The following LSAMP variants were observed in gnomAD, a reference collection of about 807,000 sequenced individuals.
LSAMP encodes limbic system-associated membrane protein.
LSAMP carries 7 observed loss-of-function variants against 38.6 expected under a neutral mutation model. The observed-to-expected ratio is 0.18, with a 90% CI of 0.10 to 0.34. The LOEUF is 0.34. Ranked by LOEUF, LSAMP falls within the 10% of genes least tolerant of loss-of-function variation. LSAMP has a pLI of 1.00. For missense variants in LSAMP, 313 were observed against 420.0 expected, an observed-to-expected ratio of 0.75 and a Z score of 2.23; for synonymous variants, 154 against 166.8, an observed-to-expected ratio of 0.92 and a Z score of 0.59.
At chr3:115,928,969 G>GTTTTTTTTTTTTT (rs1033194537) in intron 3 of LSAMP, among the ~76,000 whole-genome samples, 7 of 53,572 alleles carry the variant, frequency 1.3e-4, no homozygotes, top group East Asian at 1.1e-3. Context: ...CAGGTTTTTT[G>GTTTTTTTTTTTTT]TTTGTTTTTT....
intron 3 of LSAMP, among the ~76,000 whole-genome samples, chr3:115,864,137 G>A (rs1320837301): frequency 6.6e-6 from 1 of 152,158 alleles, no homozygotes. Flanking sequence ...CTGGCCAATT[G>A]TTAGAAGCAC....
At chr3:115,864,029 G>A (rs1457141590) in intron 3 of LSAMP, among the ~76,000 whole-genome samples, 1 of 152,158 alleles carries the variant, frequency 6.6e-6, no homozygotes, top group Non-Finnish European at 1.5e-5. Flanking sequence ...TGGGCATTGT[G>A]TGTTGTAACC....
chr3:116,335,310 T>C (rs1235760478), intron 1 of LSAMP, among the ~76,000 whole-genome samples: 5 of 152,100 alleles, frequency 3.3e-5, no homozygotes, highest in African/African-American at 1.2e-4. Context: ...ACAGAATGAA[T>C]GCCATCCCTA....
At chr3:115,811,622 C>T (rs1933835871) in intron 6 of LSAMP, among the ~76,000 whole-genome samples, 1 of 151,596 alleles carries the variant, frequency 6.6e-6, no homozygotes, top group Admixed American at 6.6e-5. Context: ...TGGAAGCATC[C>T]CCTGGTATGT....
intron 2 of LSAMP, among the ~76,000 whole-genome samples, chr3:116,057,411 GC>G (rs1448004226): frequency 1.3e-5 from 2 of 152,244 alleles, no homozygotes; most frequent in East Asian, 1.9e-4. Flanking sequence ...ACTTGGTGTG[GC>G]TTTTTGTCAT....
intron 3 of LSAMP, among the ~76,000 whole-genome samples, chr3:115,992,894 A>G (rs1367629786): frequency 6.6e-6 from 1 of 152,072 alleles, no homozygotes; most frequent in East Asian, 1.9e-4. Context: ...CTTCAGTCAC[A>G]GGACCTTGAG....
intron 1 of LSAMP, among the ~76,000 whole-genome samples, chr3:116,158,801 T>G (rs1322117528): frequency 6.6e-6 from 1 of 152,138 alleles, no homozygotes; most frequent in South Asian, 2.1e-4. Context: ...TTCAGAGATA[T>G]TCCTATCAAA....
rs1046893330 is a variant in LSAMP, at chr3:116,071,619, G to A, written c.388+14705C>T. The stretch of plus-strand genomic sequence containing the variant: ...TTCAACTTTTATTTTAAGTTCTAGG[G>A]TACACTGGCAGGATGTGCAGTTTTG... On this transcript the variant is annotated intron_variant, in intron 2 of 6. Coordinates refer to ENST00000490035, the MANE Select transcript of LSAMP (RefSeq NM_002338.5). 4.6e-5 allele frequency among the ~76,000 whole-genome samples: 7 copies of A among 152,046 alleles called. No homozygotes were observed. The East Asian group carries it at 1.4e-3, about 29-fold the overall frequency.
At chr3:115,908,384 C>T (rs574384629) in intron 3 of LSAMP, among the ~76,000 whole-genome samples, 2 of 152,082 alleles carry the variant, frequency 1.3e-5, no homozygotes, top group South Asian at 4.2e-4. Context: ...TATTATCTAG[C>T]TAACAGAGAA....
At chr3:116,333,413 T>C (rs769542471) in intron 1 of LSAMP, among the ~76,000 whole-genome samples, 18 of 151,334 alleles carry the variant, frequency 1.2e-4, no homozygotes, top group Non-Finnish European at 2.2e-4. Flanking sequence ...GTGGTGGGCA[T>C]GTGTAATCCC....
intron 3 of LSAMP, among the ~76,000 whole-genome samples, chr3:115,969,890 A>C (rs558698700): frequency 2.6e-4 from 39 of 152,222 alleles, no homozygotes; most frequent in Non-Finnish European, 5.1e-4. Context: ...TTTCAAATGC[A>C]TATATTATAC....
intron 1 of LSAMP, among the ~76,000 whole-genome samples, chr3:116,157,015 G>T (rs1451324223): frequency 6.6e-6 from 1 of 152,106 alleles, no homozygotes; most frequent in Non-Finnish European, 1.5e-5. Flanking sequence ...CAGGAAGGAG[G>T]TTATATGCGG....
chr3:116,074,104 T>C (rs954137498), intron 2 of LSAMP, among the ~76,000 whole-genome samples: 1 of 152,192 alleles, frequency 6.6e-6, no homozygotes, highest in Non-Finnish European at 1.5e-5. Flanking sequence ...CCTGAATAGA[T>C]TCTCCTTGGT....
intron 1 of LSAMP, among the ~76,000 whole-genome samples, chr3:116,178,357 G>T (rs1710402670): frequency 6.6e-6 from 1 of 152,022 alleles, no homozygotes; most frequent in Admixed American, 6.6e-5. Flanking sequence ...TAGTAGAGAT[G>T]GGGTTTTACC....
At chr3:116,331,823 T>TTTTC (rs954239316) in intron 1 of LSAMP, among the ~76,000 whole-genome samples, 7 of 152,274 alleles carry the variant, frequency 4.6e-5, no homozygotes, top group East Asian at 1.9e-4. Context: ...TTTCTTTTTA[T>TTTTC]TTTCTTTCTT....
intron 1 of LSAMP, among the ~76,000 whole-genome samples, chr3:116,195,334 G>A (rs1042866212): frequency 6.6e-6 from 1 of 152,084 alleles, no homozygotes; most frequent in Middle Eastern, 3.2e-3. Flanking sequence ...CCTGTTTCCT[G>A]AGTGTGTCTT....
intron 1 of LSAMP, among the ~76,000 whole-genome samples, chr3:116,368,947 T>A (rs1020638281): frequency 2.0e-5 from 3 of 152,152 alleles, no homozygotes; most frequent in African/African-American, 7.2e-5. Context: ...TTTTGGTAAA[T>A]AGAAATGAGA....
chr3:115,811,447 CT>C (rs61453967), intron 6 of LSAMP, among the ~76,000 whole-genome samples: 2,621 of 152,224 alleles, frequency 0.017, 87 homozygotes, highest in African/African-American at 0.059. Context: ...ACTACAGGGA[CT>C]TTTGGATTTA....
chr3:116,425,080 T>C (rs1163108285), intron 1 of LSAMP, among the ~76,000 whole-genome samples: 3 of 151,742 alleles, frequency 2.0e-5, no homozygotes, highest in Non-Finnish European at 2.9e-5. Flanking sequence ...TTAGATCTGA[T>C]GGTGCCTCTA....
Sources: gnomAD v4.1 joint callset for allele counts (sites outside exome capture counted in the v4.1 genomes callset) on GRCh38, gnomAD v4.1.1 for gene constraint, MANE v1.5 for transcripts, NCBI Gene and HGNC (gene_info 2026-07-23, HGNC 2026-07-21) for gene names.